UNC13C: variants seen among roughly 807,000 people sequenced by gnomAD.
UNC13C encodes the protein protein unc-13 homolog C.
In UNC13C, 174 loss-of-function variants were observed where a neutral mutation model predicts 245.4. The ratio of observed to expected loss-of-function variants is 0.71; its 90% CI spans 0.63 to 0.80. UNC13C has a LOEUF of 0.80. Among genes scored for constraint, UNC13C ranks in the 30% least tolerant of loss-of-function variants. The pLI, the probability that UNC13C is intolerant of heterozygous loss-of-function variation, is 0.00. For missense variants in UNC13C, 2,829 were observed against 2,602.9 expected (o/e 1.09, Z -1.89); for synonymous variants, 992 against 895.1 (o/e 1.11, Z -1.93).
intron 4 of UNC13C, among the ~76,000 whole-genome samples, chr15:54,185,557 G>A (rs1161144968): frequency 2.0e-5 from 3 of 150,638 alleles, no homozygotes; most frequent in Non-Finnish European, 4.4e-5. Flanking sequence ...TTTTTGTCAG[G>A]TTTGTCAAAG....
At chr15:54,100,158 C>A (rs996848841) in intron 2 of UNC13C, among the ~76,000 whole-genome samples, 6 of 150,250 alleles carry the variant, frequency 4.0e-5, no homozygotes, top group Admixed American at 2.0e-4. Flanking sequence ...CCTCCAAGTA[C>A]CTTATTTCTT....
chr15:54,096,423 A>G (rs1899867271), intron 2 of UNC13C, among the ~76,000 whole-genome samples: 1 of 152,142 alleles, frequency 6.6e-6, no homozygotes, highest in South Asian at 2.1e-4. Flanking sequence ...TGGATATAGT[A>G]TTCTGGAGCC....
At chr15:53,973,811 A>T (rs542608528), upstream of UNC13C, among the ~76,000 whole-genome samples, 6 of 152,282 alleles carry the variant, frequency 3.9e-5, no homozygotes, top group South Asian at 1.2e-3. Context: ...AATGATATCT[A>T]TCCAAAGTCT....
chr15:54,343,629 T>G (rs536634146), intron 17 of UNC13C, among the ~76,000 whole-genome samples: 1 of 152,332 alleles, frequency 6.6e-6, no homozygotes, highest in African/African-American at 2.4e-5. Context: ...CCTTCCCTGC[T>G]TTCATCAAAA....
the UNC13C span, among the ~76,000 whole-genome samples, chr15:53,845,324 A>C: frequency 4.7e-5 from 2 of 42,418 alleles, no homozygotes; most frequent in African/African-American, 1.4e-4. Flanking sequence ...GAGTCTCTCA[A>C]AAAAAAAAAA....
In UNC13C at chr15:54,325,459, G is replaced by A. The variant is rs565837526; in HGVS notation, c.4425+3364G>A. Among the ~76,000 whole-genome samples the A allele has an allele frequency of 5.3e-5, 8 of 152,072 alleles. No homozygotes were observed. The East Asian group carries it at 7.8e-4, about 15-fold the overall frequency. ...AAGTTCCAGGGTACATGTGCACAACGTGCAGTTTTGTTACATAGGTATACT... is the reference window on the plus strand; with the variant it reads ...AAGTTCCAGGGTACATGTGCACAACATGCAGTTTTGTTACATAGGTATACT... On this transcript the variant is annotated intron_variant, in intron 14 of 32. Coordinates refer to ENST00000260323, the MANE Select transcript of UNC13C (RefSeq NM_001080534.3).
the UNC13C span, among the ~76,000 whole-genome samples, chr15:53,955,591 G>A: frequency 3.3e-5 from 5 of 152,172 alleles, no homozygotes. Flanking sequence ...TTTAAATACA[G>A]TTTGAGTATT....
chr15:54,018,756 C>T (rs1006363699), intron 2 of UNC13C, among the ~76,000 whole-genome samples: 10 of 152,192 alleles, frequency 6.6e-5, no homozygotes, highest in Admixed American at 6.5e-4. Flanking sequence ...CACTGACTCT[C>T]ATATTTATGT....
intron 8 of UNC13C, among the ~76,000 whole-genome samples, chr15:54,250,690 CA>C (rs1017264857): frequency 2.0e-5 from 3 of 150,786 alleles, no homozygotes; most frequent in Admixed American, 1.3e-4. Flanking sequence ...TCTCATCCAG[CA>C]TAAACCTTCA....
chr15:54,602,032 G>A (rs2058252707), intron 30 of UNC13C, among the ~76,000 whole-genome samples: 1 of 151,852 alleles, frequency 6.6e-6, no homozygotes, highest in Non-Finnish European at 1.5e-5. Context: ...CTCCTGTCTT[G>A]CCCTCGCTAG....
intron 19 of UNC13C, among the ~76,000 whole-genome samples, chr15:54,422,407 A>C (rs1330812874): frequency 6.6e-6 from 1 of 151,974 alleles, no homozygotes; most frequent in Non-Finnish European, 1.5e-5. Flanking sequence ...ACTTTCACAC[A>C]CTTAGATTAC....
At chr15:54,312,064 A>C (rs950865396) in intron 13 of UNC13C, among the ~76,000 whole-genome samples, 18 of 151,866 alleles carry the variant, frequency 1.2e-4, no homozygotes, top group Non-Finnish European at 1.9e-4. Context: ...CGTTAATGCT[A>C]CATTTAAAAA....
At chr15:54,201,462 C>T (rs933117906) in intron 4 of UNC13C, among the ~76,000 whole-genome samples, 6 of 151,698 alleles carry the variant, frequency 4.0e-5, no homozygotes, top group African/African-American at 1.2e-4. Flanking sequence ...AAAGATAATC[C>T]ACCAAGATCA....
intron 2 of UNC13C, among the ~76,000 whole-genome samples, chr15:54,031,089 T>C (rs575165680): frequency 6.6e-6 from 1 of 152,286 alleles, no homozygotes; most frequent in East Asian, 1.9e-4. Flanking sequence ...TCCCCTGACC[T>C]TCCTTTCATT....
At chr15:54,493,563 T>G (rs1004462471) in intron 19 of UNC13C, among the ~76,000 whole-genome samples, 3 of 152,086 alleles carry the variant, frequency 2.0e-5, no homozygotes, top group Non-Finnish European at 4.4e-5. Flanking sequence ...TTTAATTTGT[T>G]TATAACAACC....
intron 1 of UNC13C, among the ~76,000 whole-genome samples, chr15:53,984,603 T>C (rs1490083770): frequency 6.6e-6 from 1 of 152,108 alleles, no homozygotes; most frequent in Non-Finnish European, 1.5e-5. Flanking sequence ...AGTTAAATAA[T>C]ATAAAGGAAG....
chr15:54,044,935 T>C (rs1896968086), intron 2 of UNC13C, among the ~76,000 whole-genome samples: 1 of 152,162 alleles, frequency 6.6e-6, no homozygotes, highest in Admixed American at 6.5e-5. Flanking sequence ...TTTCTTTTTA[T>C]TGTTGAATTG....
chr15:54,540,143 AG>A (rs2141164896), intron 26 of UNC13C, among the ~76,000 whole-genome samples: 1 of 152,190 alleles, frequency 6.6e-6, no homozygotes, highest in African/African-American at 2.4e-5. Context: ...CTAATAGTTT[AG>A]GAGGAGAAAT....
At chr15:53,846,917 G>A in the UNC13C span, among the ~76,000 whole-genome samples, 1 of 152,134 alleles carries the variant, frequency 6.6e-6, no homozygotes, top group African/African-American at 2.4e-5. Flanking sequence ...GTGACTGTGA[G>A]TCCATAATCT....
Sources: gnomAD v4.1 joint callset for allele counts (sites outside exome capture counted in the v4.1 genomes callset) on GRCh38, gnomAD v4.1.1 for gene constraint, MANE v1.5 for transcripts, NCBI Gene and HGNC (gene_info 2026-07-23, HGNC 2026-07-21) for gene names.